Variants in PHGDH observed in about 807,000 individuals in gnomAD.
The protein encoded by PHGDH is phosphoglycerate dehydrogenase.
A neutral mutation model predicts 52.6 loss-of-function variants in PHGDH; 50 were observed. The observed-to-expected ratio is 0.95, with a 90% CI of 0.76 to 1.20. PHGDH has a LOEUF of 1.20. Among genes scored for constraint, PHGDH ranks in the 50% most tolerant of loss-of-function variants. The pLI, the probability that PHGDH is intolerant of heterozygous loss-of-function variation, is 0.00. For synonymous variants in PHGDH, 271 were observed against 280.5 expected, an observed-to-expected ratio of 0.97 and a Z score of 0.34; for missense variants, 630 against 684.6, an observed-to-expected ratio of 0.92 and a Z score of 0.89.
At chr1:119,717,231 T>TAAAA (rs1165824450) in intron 1 of PHGDH, among the ~76,000 whole-genome samples, 1 of 5,722 alleles carries the variant, frequency 1.7e-4, no homozygotes, top group African/African-American at 1.6e-3. Context: ...AAACTCTGTC[T>TAAAA]CAAAAAAAAA....
chr1:119,735,126 GC>G, intron 6 of PHGDH, 168 bp from the exon 7 acceptor site: 1 of 842,842 alleles, frequency 1.2e-6, no homozygotes, highest in East Asian at 2.4e-5. Context: ...AGGGACTCCT[GC>G]CCCAGAGCAT....
At chr1:119,735,967 C>T (rs967688445) in intron 7 of PHGDH, among the ~76,000 whole-genome samples, 2 of 152,210 alleles carry the variant, frequency 1.3e-5, no homozygotes, top group African/African-American at 4.8e-5. Flanking sequence ...AGCAGAGGCT[C>T]AGCCTCACAC....
At position 119,721,391 on chromosome 1, in the gene PHGDH, G is replaced by A. The variant is rs587767955; in HGVS notation, c.290+70G>A. ...TGCGGAGACTGACCACACCTAGGGAGAAAAAACTCACTTGAGAGAAAGCTG... is the reference window on the plus strand; with the variant it reads ...TGCGGAGACTGACCACACCTAGGGAAAAAAAACTCACTTGAGAGAAAGCTG... On this transcript the variant is annotated intron_variant, in intron 2 of 11. Transcript: ENST00000641023. 8.9e-5 allele frequency: 133 copies of A among 1,489,428 alleles called. 1 individual carries two copies. The East Asian group carries it at 2.9e-3, about 32-fold the overall frequency. 92.3% of individuals were successfully genotyped at this position (1,489,428 alleles called of 1,614,324 possible).
At chr1:119,712,307 G>A in intron 1 of PHGDH, 147 bp downstream of exon 1, 2 of 730,726 alleles carry the variant, frequency 2.7e-6, no homozygotes, top group Non-Finnish European at 2.4e-6. Flanking sequence ...AGAAGAACGG[G>A]GGCGGGAGGA....
At chr1:119,723,488 T>C in intron 3 of PHGDH, 47 bp downstream of exon 3, 1 of 1,402,004 alleles carries the variant, frequency 7.1e-7, no homozygotes, top group Non-Finnish European at 1.0e-6. Flanking sequence ...GATATGCCAA[T>C]TATTACCACT....
In PHGDH at chr1:119,712,679, TG is replaced by T. The variant is rs958078038; in HGVS notation, c.138+526del. On this transcript the variant is annotated intron_variant, in intron 1 of 11. Transcript: ENST00000641023. ...TAGCCTGCCTTGGCGGTGGCGGGGT[TG>T]GGGGGGTCGGGGGGCGGGGGGAAGC... 2.0e-3 allele frequency: 318 copies of T among 161,596 alleles called. 1 individual carries two copies. The highest frequency in any genetic ancestry group is 3.1e-3 in the Middle Eastern group (1 of 326). The allele number at this position is 161,596 out of a possible 1,614,324, so 10.0% of individuals were successfully genotyped here.
At chr1:119,738,110 G>A (rs1488413378) in intron 8 of PHGDH, among the ~76,000 whole-genome samples, 3 of 89,348 alleles carry the variant, frequency 3.4e-5, no homozygotes, top group African/African-American at 1.7e-4. Context: ...TAAGTTCTAA[G>A]TTCCCTGAGG....
chr1:119,723,376 C>T lies in PHGDH; in HGVS notation c.291C>T (p.Asn97=), dbSNP rs1253176290. ...AATRKGILVM[N]TPNGNSLSAA... is the part of the protein sequence containing the mutation. ...TGTCCCCCTTTTCTTTGATCTTTAG[C>T]ACCCCCAATGGGAACAGCCTCAGTG... is the stretch of plus-strand genomic sequence containing the variant. The change falls in exon 3 of 12, where the codon AAC becomes AAT. Residue 97 remains asparagine (N), a splice_region_variant and synonymous_variant. Coordinates refer to ENST00000641023, the MANE Select transcript of PHGDH (RefSeq NM_006623.4). 2 of 1,612,134 alleles carry T rather than the reference C, an allele frequency of 1.2e-6. No individual in the cohort carries two copies. The highest frequency in any genetic ancestry group is 1.7e-6 in the Non-Finnish European group (2 of 1,178,252).
rs1652293878 is a variant in PHGDH, at chr1:119,743,188, C to T, written c.1447+144C>T. ...CTGCACCATACAGAGGGTCTGATGC[C>T]AGTTTTCAGAACCTTCAGGGAGTGG... On this transcript the variant is annotated intron_variant, in intron 11 of 11. Transcript: ENST00000641023. The T allele has an allele frequency of 4.1e-6, 3 of 734,586 alleles. No homozygotes were observed. The South Asian group carries it at 4.4e-5, about 11-fold the overall frequency. 45.5% of individuals were successfully genotyped at this position (734,586 alleles called of 1,614,324 possible). A position where few individuals can be genotyped will look rare whatever the true frequency, so the allele number is the denominator to read the frequency against.
chr1:119,731,278 C>T (rs1396190358), intron 5 of PHGDH, among the ~76,000 whole-genome samples: 2 of 152,216 alleles, frequency 1.3e-5, no homozygotes, highest in African/African-American at 4.8e-5. Context: ...TCTTAACGCT[C>T]TATACTGTTG....
At chr1:119,734,813 A>G in intron 6 of PHGDH, 47 bp downstream of exon 6, 2 of 1,608,710 alleles carry the variant, frequency 1.2e-6, no homozygotes, top group Non-Finnish European at 1.7e-6. Context: ...GCCACAGACC[A>G]GTTAACAAAT....
intron 5 of PHGDH, among the ~76,000 whole-genome samples, chr1:119,732,978 C>T (rs1285625515): frequency 2.6e-5 from 4 of 152,212 alleles, no homozygotes; most frequent in East Asian, 1.9e-4. Context: ...TTGTTCTGGC[C>T]GGCCTCAGGG....
chr1:119,717,737 G>A lies in PHGDH; in HGVS notation c.139-3433G>A, dbSNP rs587631882. 7.9e-5 allele frequency among the ~76,000 whole-genome samples: 12 copies of A among 152,054 alleles called. No homozygotes were observed. The South Asian group carries it at 1.0e-3, about 13-fold the overall frequency. On this transcript the variant is annotated intron_variant, in intron 1 of 11. Coordinates refer to ENST00000641023, the MANE Select transcript of PHGDH (RefSeq NM_006623.4). ...TTGACTGATTTGTCAATTTCTGAAC[G>A]TTTTTCCTGCTTTTTTTCAACTTCT...
Position 119,712,099 on chromosome 1 carries a change from G to C in PHGDH, c.77G>C (p.Gly26Ala). The C allele has an allele frequency of 6.2e-7, 1 of 1,614,104 alleles. No homozygotes were observed. The highest frequency in any genetic ancestry group is 8.5e-7 in the Non-Finnish European group (1 of 1,179,932). Residue 26 changes from glycine (G) to alanine (A), a missense_variant, in exon 1 of 12, where the codon GGA becomes GCA. Physicochemically the swap from Gly to Ala is moderately conservative, Grantham distance 60 (BLOSUM62 0). Transcript: ENST00000641023. ...TGCTGCCGGAAGATCTTGCAAGATG[G>C]AGGGCTGCAGGTGGTGGAAAAGCAG... Reference protein sequence around the residue: ...DPCCRKILQDGGLQVVEKQNL... With the variant: ...DPCCRKILQDAGLQVVEKQNL...
Position 119,740,621 on chromosome 1 carries a change from C to T in PHGDH, c.1078+103C>T, listed in dbSNP as rs929701106. On this transcript the variant is annotated intron_variant, in intron 9 of 11. Coordinates refer to ENST00000641023, the MANE Select transcript of PHGDH (RefSeq NM_006623.4). ...TGCAGGACACAGGGTTAGTGAGAGG[C>T]AGTGAGGGTGCCTTGGACCCTGCCC... is the stretch of plus-strand genomic sequence containing the variant. The T allele has an allele frequency of 9.7e-6, 10 of 1,028,976 alleles. No individual in the cohort carries two copies. In the East Asian group the frequency reaches 2.6e-4, roughly 27 times the overall value. 63.7% of individuals were successfully genotyped at this position (1,028,976 alleles called of 1,614,324 possible). A position where few individuals can be genotyped will look rare whatever the true frequency, so the allele number is the denominator to read the frequency against.
chr1:119,715,725 G>T (rs917018235), intron 1 of PHGDH: 1 of 152,180 alleles, frequency 6.6e-6, no homozygotes, highest in African/African-American at 2.4e-5. Flanking sequence ...ACAGGGGAGC[G>T]GGAGGACTTG....
intron 7 of PHGDH, 109 bp downstream of exon 7, chr1:119,735,552 C>G (rs1464383434): frequency 6.1e-6 from 7 of 1,144,942 alleles, no homozygotes; most frequent in Non-Finnish European, 8.9e-6. Context: ...CTTATTGTCT[C>G]TTTCATCCAT....
At chr1:119,726,941 AG>A (rs1651451285) in intron 4 of PHGDH, 36 bp downstream of exon 4, 1 of 1,609,956 alleles carries the variant, frequency 6.2e-7, no homozygotes, top group African/African-American at 1.3e-5. Flanking sequence ...ACCTGGGCTC[AG>A]GGCCCGGGGT....
Position 119,741,810 on chromosome 1 carries a change from C to T in PHGDH, c.1122C>T (p.Val374=). The change falls in exon 10 of 12, where the codon GTC becomes GTT. Residue 374 remains valine, a synonymous_variant. Coordinates refer to ENST00000641023, the MANE Select transcript of PHGDH (RefSeq NM_006623.4). ...CTGGGAACTGCCTAAGCCCCGCAGT[C>T]ATTGTCGGCCTCCTGAAAGAGGCTT... is the stretch of plus-strand genomic sequence containing the variant. ...KNAGNCLSPA[V]IVGLLKEASK... 6.2e-7 allele frequency: 1 copy of T among 1,613,242 alleles called. No individual in the cohort carries two copies. Among genetic ancestry groups the T allele is most frequent in the Non-Finnish European group, 8.5e-7 (1 of 1,179,194 alleles).
Sources: allele counts gnomAD v4.1 joint callset (sites outside exome capture counted in the v4.1 genomes callset), GRCh38; gene constraint gnomAD v4.1.1; transcripts MANE v1.5; gene names NCBI Gene and HGNC (gene_info 2026-07-23, HGNC 2026-07-21).